Variants in ADORA2B observed in about 807,000 individuals in gnomAD.
ADORA2B encodes adenosine A2b receptor, also known as adenosine receptor A2b.
Under a neutral mutation model 20.8 loss-of-function variants are expected in ADORA2B, and 18 were observed. That is an observed-to-expected ratio of 0.87 (90% CI 0.60 to 1.29). ADORA2B has a LOEUF of 1.29. ADORA2B is among the 50% of genes most tolerant of loss of function. ADORA2B has a pLI of 0.00. For missense variants in ADORA2B, 441 were observed against 422.7 expected, an observed-to-expected ratio of 1.04 and a Z score of -0.38; for synonymous variants, 179 against 178.3, an observed-to-expected ratio of 1.00 and a Z score of -0.03.
the ADORA2B span, among the ~76,000 whole-genome samples, chr17:15,906,318 CGTA>C: frequency 6.6e-6 from 1 of 152,146 alleles, no homozygotes; most frequent in African/African-American, 2.4e-5. Flanking sequence ...AAATAACTGT[CGTA>C]GTTGTTGAAT....
the ADORA2B span, among the ~76,000 whole-genome samples, chr17:15,875,307 T>C: frequency 6.6e-6 from 1 of 152,224 alleles, no homozygotes; most frequent in Non-Finnish European, 1.5e-5. Context: ...CATTGCTAAA[T>C]AGCATGCTTA....
At chr17:15,948,608 G>A (rs1268544757) in intron 1 of ADORA2B, among the ~76,000 whole-genome samples, 3 of 152,140 alleles carry the variant, frequency 2.0e-5, no homozygotes, top group African/African-American at 7.2e-5. Flanking sequence ...TTCGCTGCTT[G>A]TAGACCCAGT....
At chr17:15,881,448 T>G in the ADORA2B span, among the ~76,000 whole-genome samples, 1 of 152,228 alleles carries the variant, frequency 6.6e-6, no homozygotes, top group Non-Finnish European at 1.5e-5. Context: ...GAATTTATCA[T>G]TTTAACTGTT....
chr17:15,974,428 C>T, intron 1 of ADORA2B: 1 of 442,694 alleles, frequency 2.3e-6, no homozygotes, highest in Non-Finnish European at 4.0e-6. Context: ...CACCTCTTGT[C>T]ATTGGCCATC....
At chr17:15,878,360 C>T in the ADORA2B span, among the ~76,000 whole-genome samples, 1 of 152,146 alleles carries the variant, frequency 6.6e-6, no homozygotes, top group Admixed American at 6.5e-5. Context: ...TTCTGTGGCT[C>T]TGTGGGTCTG....
intron 1 of ADORA2B, among the ~76,000 whole-genome samples, chr17:15,961,081 G>A (rs1970032443): frequency 6.6e-6 from 1 of 151,370 alleles, no homozygotes; most frequent in South Asian, 2.1e-4. Context: ...GCAGGAGAAT[G>A]GCGTGAACCT....
chr17:15,970,676 T>C (rs920510435), intron 1 of ADORA2B, among the ~76,000 whole-genome samples: 1 of 152,194 alleles, frequency 6.6e-6, no homozygotes, highest in African/African-American at 2.4e-5. Flanking sequence ...GTTAACGGAG[T>C]ACCTCACAGT....
chr17:15,940,470 G>C (rs1266148412), upstream of ADORA2B, among the ~76,000 whole-genome samples: 2 of 152,210 alleles, frequency 1.3e-5, no homozygotes, highest in Non-Finnish European at 2.9e-5. Context: ...GTGCTTGAGG[G>C]ATTTTGTGGG....
At chr17:15,879,835 C>A in the ADORA2B span, among the ~76,000 whole-genome samples, 22 of 149,124 alleles carry the variant, frequency 1.5e-4, no homozygotes, top group African/African-American at 5.7e-4. Context: ...CCGCACCCGG[C>A]CAAAGATGTT....
chr17:15,852,132 G>A, the ADORA2B span, among the ~76,000 whole-genome samples: 1 of 151,936 alleles, frequency 6.6e-6, no homozygotes, highest in African/African-American at 2.4e-5. Context: ...GTGCTTTTTA[G>A]CTTTTTTATA....
chr17:15,874,086 ATATATG>A, the ADORA2B span, among the ~76,000 whole-genome samples: 1 of 139,370 alleles, frequency 7.2e-6, no homozygotes, highest in South Asian at 2.2e-4. Context: ...ATATATGTAT[ATATATG>A]TATACACACA....
the ADORA2B span, among the ~76,000 whole-genome samples, chr17:15,918,399 A>G: frequency 6.6e-6 from 1 of 152,218 alleles, no homozygotes; most frequent in Non-Finnish European, 1.5e-5. Context: ...CCTAGTTTGT[A>G]GGCTGAGTAC....
intron 1 of ADORA2B, among the ~76,000 whole-genome samples, chr17:15,964,365 G>A (rs971187611): frequency 7.9e-5 from 12 of 152,076 alleles, no homozygotes; most frequent in African/African-American, 2.9e-4. Context: ...CCAGCACTTT[G>A]GGAGGCCAAG....
At chr17:15,861,188 A>G in the ADORA2B span, among the ~76,000 whole-genome samples, 12 of 152,362 alleles carry the variant, frequency 7.9e-5, no homozygotes, top group African/African-American at 2.9e-4. Context: ...AGTAGTGTGC[A>G]AGATTAAATT....
chr17:15,953,958 T>C (rs1969937100), intron 1 of ADORA2B, among the ~76,000 whole-genome samples: 1 of 152,060 alleles, frequency 6.6e-6, no homozygotes, highest in Non-Finnish European at 1.5e-5. Context: ...ATGACTTTTA[T>C]GCTGTTAAGG....
rs146419156 is a variant in ADORA2B at position 15,964,353 on chromosome 17, T to C, written c.336-10326T>C. ...TGGGCGCTGTGACTCACACCTGTAA[T>C]CCCAGCACTTTGGGAGGCCAAGATT... On this transcript the variant is annotated intron_variant, in intron 1 of 1. Transcript: ENST00000304222. Among the ~76,000 whole-genome samples the C allele has an allele frequency of 4.5e-3, 681 of 151,704 alleles. 11 individuals carry two copies. Among genetic ancestry groups the C allele is most frequent in the African/African-American group, 0.015 (632 of 41,078 alleles).
the ADORA2B span, among the ~76,000 whole-genome samples, chr17:15,856,093 GTCT>G: frequency 5.3e-5 from 8 of 152,152 alleles, no homozygotes; most frequent in African/African-American, 1.9e-4. Context: ...ATCCCCATGT[GTCT>G]AGGGAGGGAC....
the ADORA2B span, among the ~76,000 whole-genome samples, chr17:15,896,529 A>G: frequency 6.6e-6 from 1 of 152,222 alleles, no homozygotes; most frequent in African/African-American, 2.4e-5. Context: ...CCAGAATATA[A>G]AAGAGATGTT....
At chr17:15,877,886 G>A in the ADORA2B span, among the ~76,000 whole-genome samples, 1 of 151,912 alleles carries the variant, frequency 6.6e-6, no homozygotes, top group Admixed American at 6.5e-5. Context: ...TGCTGGCTTG[G>A]GATTTAGTTT....
Sources: gnomAD v4.1 joint callset for allele counts (sites outside exome capture counted in the v4.1 genomes callset) on GRCh38, gnomAD v4.1.1 for gene constraint, MANE v1.5 for transcripts, NCBI Gene and HGNC (gene_info 2026-07-23, HGNC 2026-07-21) for gene names.